The following DACH2 variants were observed in gnomAD, a reference collection of about 807,000 sequenced individuals.
DACH2 encodes dachshund family transcription factor 2.
DACH2 carries 17 observed loss-of-function variants against 35.8 expected under a neutral mutation model. That is an observed-to-expected ratio of 0.48 (90% CI 0.33 to 0.71). The LOEUF (loss-of-function observed/expected upper bound fraction) is 0.71. Ranked by LOEUF, DACH2 falls within the 30% of genes least tolerant of loss-of-function variation. The pLI, the probability that DACH2 is intolerant of heterozygous loss-of-function variation, is 0.02. For missense variants in DACH2, 469 were observed against 472.7 expected, an observed-to-expected ratio of 0.99 and a Z score of 0.07; for synonymous variants, 195 against 177.3, an observed-to-expected ratio of 1.10 and a Z score of -0.79.
intron 2 of DACH2, among the ~76,000 whole-genome samples, chrX:86,406,227 T>C (rs1055102941): frequency 1.8e-5 from 2 of 112,281 alleles, no homozygotes; most frequent in African/African-American, 6.5e-5. Context: ...AATGAGATCA[T>C]GTCCTTTGTA....
intron 6 of DACH2, among the ~76,000 whole-genome samples, chrX:86,716,805 A>T (rs2041342113): frequency 8.9e-6 from 1 of 111,898 alleles, no homozygotes; most frequent in Admixed American, 9.5e-5. Flanking sequence ...TAATCCAAAT[A>T]TTGTTTTATT....
intron 3 of DACH2, among the ~76,000 whole-genome samples, chrX:86,599,088 A>G (rs2039751908): frequency 1.8e-5 from 2 of 111,274 alleles, no homozygotes; most frequent in Non-Finnish European, 3.8e-5. Flanking sequence ...TTTGCTGAGA[A>G]TGATGGTATC....
At chrX:86,212,789 T>C (rs1194203585) in intron 1 of DACH2, among the ~76,000 whole-genome samples, 1 of 111,353 alleles carries the variant, frequency 9.0e-6, no homozygotes, top group African/African-American at 3.3e-5. Context: ...AAGTGTGTAT[T>C]TTAAGACAAT....
intron 1 of DACH2, among the ~76,000 whole-genome samples, chrX:86,261,844 C>T (rs1171973702): frequency 9.0e-6 from 1 of 111,201 alleles, no homozygotes; most frequent in Non-Finnish European, 1.9e-5. Flanking sequence ...ATGATTAATA[C>T]CACCTAGAGC....
chrX:86,749,541 G>A (rs1302793197), intron 7 of DACH2, among the ~76,000 whole-genome samples: 4 of 111,140 alleles, frequency 3.6e-5, no homozygotes, highest in Admixed American at 9.6e-5. Context: ...TATCAATTAC[G>A]TTTGCCATTG....
At chrX:86,466,923 C>T (rs2037680764) in intron 2 of DACH2, among the ~76,000 whole-genome samples, 1 of 111,247 alleles carries the variant, frequency 9.0e-6, no homozygotes, top group Admixed American at 9.5e-5. Context: ...CACAGGGACC[C>T]TGGACCTGGG....
chrX:86,805,509 A>C (rs1254686266), intron 7 of DACH2, among the ~76,000 whole-genome samples: 1 of 110,860 alleles, frequency 9.0e-6, no homozygotes, highest in African/African-American at 3.3e-5. Context: ...GCTCCTCTTT[A>C]CTTATGCAAA....
intron 2 of DACH2, among the ~76,000 whole-genome samples, chrX:86,509,780 C>T (rs1279571687): frequency 8.9e-6 from 1 of 112,090 alleles, no homozygotes; most frequent in Non-Finnish European, 1.9e-5. Context: ...AGGTAAACAA[C>T]GCCTTCAAAG....
At chrX:86,451,607 G>GACA (rs2148197236) in intron 2 of DACH2, among the ~76,000 whole-genome samples, 1 of 111,574 alleles carries the variant, frequency 9.0e-6, no homozygotes, top group Admixed American at 9.6e-5. Context: ...GTCAATGATA[G>GACA]TTTAATGAAA....
At chrX:86,385,198 A>G (rs915347557) in intron 2 of DACH2, among the ~76,000 whole-genome samples, 1 of 111,455 alleles carries the variant, frequency 9.0e-6, no homozygotes, top group Admixed American at 9.6e-5. Flanking sequence ...AAGTTTTACA[A>G]ATACCCACTA....
chrX:86,451,494 T>C (rs1003582849), intron 2 of DACH2, among the ~76,000 whole-genome samples: 3 of 111,799 alleles, frequency 2.7e-5, no homozygotes, highest in African/African-American at 9.7e-5. Flanking sequence ...GGTAGCATGA[T>C]ATCTCCAGCT....
chrX:86,379,128 G>T (rs1428725132), intron 2 of DACH2, among the ~76,000 whole-genome samples: 1 of 111,152 alleles, frequency 9.0e-6, no homozygotes, highest in African/African-American at 3.2e-5. Flanking sequence ...TGTATAACAT[G>T]TGTTGTTTTA....
chrX:86,796,671 A>G (rs1314985510), intron 7 of DACH2, among the ~76,000 whole-genome samples: 1 of 112,106 alleles, frequency 8.9e-6, no homozygotes, highest in Non-Finnish European at 1.9e-5. Flanking sequence ...TATTGAGTTC[A>G]CAATATTTAC....
At chrX:86,453,861 G>A (rs972853352) in intron 2 of DACH2, among the ~76,000 whole-genome samples, 1 of 109,951 alleles carries the variant, frequency 9.1e-6, no homozygotes, top group Non-Finnish European at 1.9e-5. Context: ...TTATGTAATT[G>A]CTTCATAGTG....
At chrX:86,201,189 G>C (rs1387721703) in intron 1 of DACH2, among the ~76,000 whole-genome samples, 1 of 102,745 alleles carries the variant, frequency 9.7e-6, no homozygotes, top group Non-Finnish European at 2.0e-5. Flanking sequence ...CACGGGAAGA[G>C]AAAACTAAAT....
intron 1 of DACH2, among the ~76,000 whole-genome samples, chrX:86,347,235 C>T (rs191366601): frequency 1.2e-4 from 13 of 112,417 alleles, no homozygotes; most frequent in African/African-American, 2.9e-4. Flanking sequence ...TCATTAGCTT[C>T]GCTGATTCTG....
At chrX:86,673,701 T>C (rs1228779588) in intron 4 of DACH2, among the ~76,000 whole-genome samples, 1 of 111,233 alleles carries the variant, frequency 9.0e-6, no homozygotes, top group Non-Finnish European at 1.9e-5. Context: ...GGGGGCAGAA[T>C]GATATGGTTT....
At chrX:86,441,867 GTGTA>G (rs1294928140) in intron 2 of DACH2, among the ~76,000 whole-genome samples, 1,082 of 94,831 alleles carry the variant, frequency 0.011, 16 homozygotes, top group African/African-American at 0.043. Flanking sequence ...GTGTGTGTGT[GTGTA>G]TATATATATA....
At chrX:86,657,903 A>G (rs1366281602) in intron 4 of DACH2, among the ~76,000 whole-genome samples, 1 of 111,550 alleles carries the variant, frequency 9.0e-6, no homozygotes, top group Non-Finnish European at 1.9e-5. Flanking sequence ...AAAAAGGATC[A>G]TATTTTATTT....
Sources: gnomAD v4.1 joint callset for allele counts (sites outside exome capture counted in the v4.1 genomes callset) on GRCh38, gnomAD v4.1.1 for gene constraint, MANE v1.5 for transcripts, NCBI Gene and HGNC (gene_info 2026-07-23, HGNC 2026-07-21) for gene names.